KANK3: variants seen among roughly 807,000 people sequenced by gnomAD.
KANK3 encodes KN motif and ankyrin repeat domains 3, also known as KN motif and ankyrin repeat domain-containing protein 3.
Under a neutral mutation model 65.4 loss-of-function variants are expected in KANK3, and 61 were observed. The observed-to-expected ratio is 0.93, with a 90% CI of 0.76 to 1.15. KANK3 has a LOEUF of 1.15. Among genes scored for constraint, KANK3 ranks in the 50% most tolerant of loss-of-function variants. The pLI, the probability that KANK3 is intolerant of heterozygous loss-of-function variation, is 0.00. For missense variants in KANK3, 1,187 were observed against 1,178.8 expected, an observed-to-expected ratio of 1.01 and a Z score of -0.10; for synonymous variants, 586 against 543.3, an observed-to-expected ratio of 1.08 and a Z score of -1.09.
At position 8,342,231 on chromosome 19, in the gene KANK3, G is replaced by A. The variant is rs114224470; in HGVS notation, c.-29+994C>T. On this transcript the variant is annotated intron_variant, in intron 1 of 10. Transcript: ENST00000330915. Reference sequence around the variant, plus strand: ...TGGTCTCAAACTCCTGACCTCAAGAGATCAGCCCTACTTGACCTCCCAAAG... The same window carrying A: ...TGGTCTCAAACTCCTGACCTCAAGAAATCAGCCCTACTTGACCTCCCAAAG... 4.2e-3 allele frequency among the ~76,000 whole-genome samples: 647 copies of A among 152,244 alleles called. 8 individuals carry two copies. Among genetic ancestry groups the A allele is most frequent in the African/African-American group, 0.015 (615 of 41,564 alleles).
At chr19:8,342,658 G>C (rs1265659854) in intron 1 of KANK3, among the ~76,000 whole-genome samples, 1 of 151,878 alleles carries the variant, frequency 6.6e-6, no homozygotes, top group Non-Finnish European at 1.5e-5. Context: ...GATGTCTGCT[G>C]GGACTCTCAG....
chr19:8,324,794 C>CT lies in KANK3; in HGVS notation c.2118_2119insA (p.Gly707ArgfsTer15). 1 of 1,613,650 alleles carries CT rather than the reference C, an allele frequency of 6.2e-7. No individual in the cohort carries two copies. The highest frequency in any genetic ancestry group is 1.3e-5 in the African/African-American group (1 of 75,066). ...AGGGTTGCCACCATGTCCTGTCGGCCATGGCTGATGGCCAGCATGAGGGCT... is the reference window on the plus strand; with the variant it reads ...AGGGTTGCCACCATGTCCTGTCGGCCTATGGCTGATGGCCAGCATGAGGGCT... On this transcript the variant is annotated frameshift_variant, in exon 9 of 11. Transcript: ENST00000330915. LOFTEE classifies it high-confidence loss of function.
chr19:8,325,235 C>T, intron 7 of KANK3, 139 bp from the exon 8 acceptor site: 3 of 823,834 alleles, frequency 3.6e-6, no homozygotes, highest in Non-Finnish European at 5.4e-6. Flanking sequence ...CTACCTGGTT[C>T]CTCCCTCACT....
chr19:8,339,978 A>G (rs1438883055), intron 1 of KANK3, among the ~76,000 whole-genome samples: 2 of 111,762 alleles, frequency 1.8e-5, no homozygotes, highest in African/African-American at 3.8e-5. Flanking sequence ...AAAAAAAAAA[A>G]AAAAAAGAAA....
intron 7 of KANK3, 27 bp downstream of exon 7, chr19:8,332,987 T>TTTGGCC: frequency 7.6e-6 from 3 of 395,190 alleles, no homozygotes; most frequent in Non-Finnish European, 1.4e-5. Context: ...TTTCCTGGTG[T>TTTGGCC]CCCACCCACC....
At chr19:8,327,654 T>C (rs1599642479) in intron 7 of KANK3, among the ~76,000 whole-genome samples, 1 of 150,334 alleles carries the variant, frequency 6.7e-6, no homozygotes, top group South Asian at 2.1e-4. Flanking sequence ...ATTAGCTGAG[T>C]GTGGTGGTTC....
At chr19:8,343,002 G>C (rs567389245) in intron 1 of KANK3, among the ~76,000 whole-genome samples, 13 of 152,298 alleles carry the variant, frequency 8.5e-5, no homozygotes, top group East Asian at 1.9e-4. Context: ...AAGGGCGAGA[G>C]GGGGGCAAGC....
chr19:8,330,477 C>G (rs182320070), intron 7 of KANK3, among the ~76,000 whole-genome samples: 1 of 152,134 alleles, frequency 6.6e-6, no homozygotes, highest in African/African-American at 2.4e-5. Flanking sequence ...ACCTGTAATC[C>G]CAGCACTTTG....
intron 3 of KANK3, 37 bp from the exon 4 acceptor site, chr19:8,334,456 C>G (rs770685641): frequency 1.2e-6 from 2 of 1,611,118 alleles, no homozygotes; most frequent in African/African-American, 2.7e-5. Context: ...AGTTCGAGTC[C>G]GGCGCCGAGT....
intron 1 of KANK3, among the ~76,000 whole-genome samples, chr19:8,338,495 G>C (rs965000669): frequency 1.3e-5 from 2 of 152,118 alleles, no homozygotes; most frequent in Non-Finnish European, 2.9e-5. Context: ...AATCTCTGGG[G>C]AAAATCAGAA....
intron 2 of KANK3, among the ~76,000 whole-genome samples, chr19:8,337,349 G>T (rs962808604): frequency 6.6e-6 from 1 of 151,992 alleles, no homozygotes; most frequent in African/African-American, 2.4e-5. Flanking sequence ...GACTACAGGG[G>T]CACCACCATG....
intron 10 of KANK3, 58 bp downstream of exon 10, chr19:8,324,391 T>A: frequency 6.8e-7 from 1 of 1,470,542 alleles, no homozygotes. Context: ...ATATTTACTA[T>A]CCTCTGCAAA....
At chr19:8,325,118 T>C in intron 7 of KANK3, 22 bp from the exon 8 acceptor site, 2 of 1,599,142 alleles carry the variant, frequency 1.3e-6, no homozygotes, top group Non-Finnish European at 1.7e-6. Flanking sequence ...AAGGGGGCCG[T>C]CCACGGAGAT....
Position 8,322,833 on chromosome 19 carries a change from G to A in KANK3, c.*6C>T. On this transcript the variant is annotated 3_prime_UTR_variant, in exon 11 of 11. Transcript: ENST00000330915. ...CAGCTAGGTGTAGTGAGCCAGACGA[G>A]GCAGCTTACTGAACCTGGGGGTTCT... 6.2e-7 allele frequency: 1 copy of A among 1,602,908 alleles called. No homozygotes were observed. The highest frequency in any genetic ancestry group is 8.5e-7 in the Non-Finnish European group (1 of 1,173,306).
In KANK3 at chr19:8,334,382, TG is replaced by T. The variant is rs1473900057; in HGVS notation, c.1364del (p.Thr455AsnfsTer94). ...LKSIMKKRDGTPGAQPSSGPK... is the reference protein window; with the variant it reads ...LKSIMKKRDGXPGAQPSSGPK... ...GTCCGGAGCTGGGTTGGGCACCAGG[TG>T]TGCCGTCTCTCTTCTTCATGATGGA... is the stretch of plus-strand genomic sequence containing the variant. On this transcript the variant is annotated frameshift_variant, in exon 4 of 11. Coordinates refer to ENST00000330915, the MANE Select transcript of KANK3 (RefSeq NM_198471.3). LOFTEE classifies it high-confidence loss of function. 1 of 1,614,108 alleles carries T rather than the reference TG, an allele frequency of 6.2e-7. No individual in the cohort carries two copies. Among genetic ancestry groups the T allele is most frequent in the Non-Finnish European group, 8.5e-7 (1 of 1,180,006 alleles).
At chr19:8,341,297 T>C (rs1383258337) in intron 1 of KANK3, among the ~76,000 whole-genome samples, 1 of 150,626 alleles carries the variant, frequency 6.6e-6, no homozygotes, top group Non-Finnish European at 1.5e-5. Flanking sequence ...GGCTCGATCA[T>C]AGCTCACTGT....
At chr19:8,328,903 C>T (rs1317188491) in intron 7 of KANK3, among the ~76,000 whole-genome samples, 1 of 152,046 alleles carries the variant, frequency 6.6e-6, no homozygotes, top group Non-Finnish European at 1.5e-5. Context: ...AGCGCGGTGG[C>T]TCACGCCTGT....
chr19:8,340,700 G>A (rs935151564), intron 1 of KANK3, among the ~76,000 whole-genome samples: 6 of 152,090 alleles, frequency 3.9e-5, no homozygotes, highest in African/African-American at 7.2e-5. Context: ...CTACTCCACC[G>A]CTGGGGAAAC....
chr19:8,334,467 A>C, intron 3 of KANK3, 33 bp downstream of exon 3: 1 of 1,610,148 alleles, frequency 6.2e-7, no homozygotes, highest in Non-Finnish European at 8.5e-7. Flanking sequence ...GGCGCCGAGT[A>C]AGCCAGGGCC....
Sources: gnomAD v4.1 joint callset for allele counts (sites outside exome capture counted in the v4.1 genomes callset) on GRCh38, gnomAD v4.1.1 for gene constraint, MANE v1.5 for transcripts, NCBI Gene and HGNC (gene_info 2026-07-23, HGNC 2026-07-21) for gene names.